Variants in UBE2E3 observed in about 807,000 individuals in gnomAD.
UBE2E3 encodes ubiquitin conjugating enzyme E2 E3.
UBE2E3 carries 5 observed loss-of-function variants against 23.6 expected under a neutral mutation model. That is an observed-to-expected ratio of 0.21 (90% confidence interval 0.11 to 0.44). UBE2E3 has a LOEUF of 0.44. Among genes scored for constraint, UBE2E3 ranks in the 20% least tolerant of loss-of-function variants. UBE2E3 has a pLI of 0.99. For synonymous variants in UBE2E3, 78 were observed against 87.5 expected (o/e 0.89, Z 0.60); for missense variants, 81 against 249.8 (o/e 0.32, Z 4.55).
chr2:181,040,369 C>A (rs1157403505), intron 3 of UBE2E3, among the ~76,000 whole-genome samples: 1 of 152,116 alleles, frequency 6.6e-6, no homozygotes, highest in East Asian at 1.9e-4. Flanking sequence ...TCATTTATTT[C>A]TTTTATCCCT....
intron 3 of UBE2E3, among the ~76,000 whole-genome samples, chr2:180,986,630 A>G (rs1044391106): frequency 3.3e-5 from 5 of 152,164 alleles, no homozygotes; most frequent in African/African-American, 1.2e-4. Context: ...ATCTATATTC[A>G]TAAATTCTAG....
chr2:181,032,269 C>T (rs549698728), intron 3 of UBE2E3, among the ~76,000 whole-genome samples: 1 of 152,150 alleles, frequency 6.6e-6, no homozygotes, highest in African/African-American at 2.4e-5. Context: ...TCTTACTCAC[C>T]TGGTAGCAAT....
intron 3 of UBE2E3, among the ~76,000 whole-genome samples, chr2:180,991,222 T>A (rs965015473): frequency 6.6e-6 from 1 of 152,124 alleles, no homozygotes; most frequent in Non-Finnish European, 1.5e-5. Context: ...TCTATAATAG[T>A]TCCCCCTTAT....
At chr2:180,997,756 T>C (rs1007693864) in intron 3 of UBE2E3, among the ~76,000 whole-genome samples, 1 of 152,178 alleles carries the variant, frequency 6.6e-6, no homozygotes, top group Non-Finnish European at 1.5e-5. Flanking sequence ...TGAGTAAAAG[T>C]TGGGTTTTCT....
intron 3 of UBE2E3, among the ~76,000 whole-genome samples, chr2:181,036,325 G>A (rs547774652): frequency 3.8e-4 from 58 of 152,176 alleles, no homozygotes; most frequent in African/African-American, 1.3e-3. Context: ...AAAGGATTTC[G>A]ACATAAAGTG....
At chr2:181,017,445 G>T (rs1158803733) in intron 3 of UBE2E3, among the ~76,000 whole-genome samples, 1 of 152,062 alleles carries the variant, frequency 6.6e-6, no homozygotes, top group Non-Finnish European at 1.5e-5. Flanking sequence ...ATCCCTCCTG[G>T]ATTAAGCCAA....
At chr2:180,990,145 TG>T in intron 3 of UBE2E3, 1 of 690,030 alleles carries the variant, frequency 1.4e-6, no homozygotes, top group Non-Finnish European at 2.2e-6. Flanking sequence ...GGTTCTCAAC[TG>T]AGGCAATTTT....
chr2:181,044,371 A>G (rs1253024865), intron 3 of UBE2E3, among the ~76,000 whole-genome samples: 1 of 152,156 alleles, frequency 6.6e-6, no homozygotes, highest in East Asian at 1.9e-4. Context: ...AAATATATAT[A>G]GTTTGTATTA....
intron 3 of UBE2E3, among the ~76,000 whole-genome samples, chr2:181,052,468 A>G (rs1686870064): frequency 6.6e-6 from 1 of 151,900 alleles, no homozygotes; most frequent in Admixed American, 6.6e-5. Context: ...AGTTTGCTAG[A>G]GTCTGTGTGA....
chr2:181,039,107 T>A (rs190393442), intron 3 of UBE2E3, among the ~76,000 whole-genome samples: 11 of 148,126 alleles, frequency 7.4e-5, no homozygotes, highest in Non-Finnish European at 1.6e-4. Context: ...TAACCTCCAG[T>A]ACCTCAGAAT....
chr2:180,996,349 CTTTA>C (rs992311838), intron 3 of UBE2E3, among the ~76,000 whole-genome samples: 1 of 152,122 alleles, frequency 6.6e-6, no homozygotes, highest in African/African-American at 2.4e-5. Flanking sequence ...ACTGAGAGAT[CTTTA>C]TTATAACTAT....
intron 3 of UBE2E3, among the ~76,000 whole-genome samples, chr2:181,028,090 G>T (rs934715493): frequency 1.3e-5 from 2 of 151,798 alleles, no homozygotes; most frequent in African/African-American, 4.8e-5. Flanking sequence ...AAAAATAATG[G>T]TTTCTGAATG....
At chr2:181,030,294 A>G (rs986208575) in intron 3 of UBE2E3, among the ~76,000 whole-genome samples, 6 of 151,742 alleles carry the variant, frequency 4.0e-5, no homozygotes, top group African/African-American at 1.2e-4. Context: ...TTGAATATGT[A>G]TATTTTTCTT....
Position 181,038,716 on chromosome 2 carries a change from GCAAGTCTTAACATA to G in UBE2E3, c.246-18967_246-18954del, listed in dbSNP as rs529494661. ...GATAAAAGACTTGTATCCAGAACAT[GCAAGTCTTAACATA>G]CAAGTCTTATATCTTAATAGACAAA... On this transcript the variant is annotated intron_variant, in intron 3 of 5. Coordinates refer to ENST00000410062, the MANE Select transcript of UBE2E3 (RefSeq NM_006357.4). Among the ~76,000 whole-genome samples the G allele has an allele frequency of 3.0e-3, 458 of 152,304 alleles. 4 individuals are homozygous for G. Among genetic ancestry groups the G allele is most frequent in the African/African-American group, 0.011 (440 of 41,574 alleles).
chr2:181,015,424 G>A (rs1480993814), intron 3 of UBE2E3, among the ~76,000 whole-genome samples: 1 of 151,990 alleles, frequency 6.6e-6, no homozygotes, highest in Non-Finnish European at 1.5e-5. Context: ...ACAAAGTAGG[G>A]ATAGATGATA....
intron 1 of UBE2E3, chr2:180,981,195 C>T (rs1684278066): frequency 6.7e-6 from 1 of 150,130 alleles, no homozygotes; most frequent in Admixed American, 6.6e-5. Context: ...GGCCGCGGAG[C>T]TGCGTGGCCG....
chr2:180,995,984 T>C (rs1210602924), intron 3 of UBE2E3, among the ~76,000 whole-genome samples: 1 of 152,156 alleles, frequency 6.6e-6, no homozygotes, highest in Non-Finnish European at 1.5e-5. Flanking sequence ...TTTTTTCTTC[T>C]TTTTCAAAAT....
intron 3 of UBE2E3, among the ~76,000 whole-genome samples, chr2:181,041,358 AC>A (rs2105666645): frequency 6.6e-6 from 1 of 151,962 alleles, no homozygotes; most frequent in African/African-American, 2.4e-5. Flanking sequence ...CTTAGAACAT[AC>A]TACTTTTTAT....
chr2:181,021,586 T>TCCTC (rs1685688823), intron 3 of UBE2E3, among the ~76,000 whole-genome samples: 1 of 57,750 alleles, frequency 1.7e-5, no homozygotes, highest in African/African-American at 7.9e-5. Flanking sequence ...CTCCCTCCCT[T>TCCTC]CCTTCCTCCC....
Sources: gnomAD v4.1 joint callset for allele counts (sites outside exome capture counted in the v4.1 genomes callset) on GRCh38, gnomAD v4.1.1 for gene constraint, MANE v1.5 for transcripts, NCBI Gene and HGNC (gene_info 2026-07-23, HGNC 2026-07-21) for gene names.